SLIT2: variants seen among roughly 807,000 people sequenced by gnomAD.
SLIT2 encodes the protein slit homolog 2 protein.
In SLIT2, 41 loss-of-function variants were observed where a neutral mutation model predicts 185.7. The ratio of observed to expected loss-of-function variants is 0.22; its 90% CI spans 0.17 to 0.29. SLIT2 has a LOEUF of 0.29. Among genes scored for constraint, SLIT2 ranks in the 10% least tolerant of loss-of-function variants. The pLI, the probability that SLIT2 is intolerant of heterozygous loss-of-function variation, is 1.00. For missense variants in SLIT2, 1,571 were observed against 1,909.0 expected (o/e 0.82, Z 3.30); for synonymous variants, 693 against 680.2 (o/e 1.02, Z -0.29).
chr4:20,344,528 G>T (rs773011356), intron 4 of SLIT2, among the ~76,000 whole-genome samples: 1 of 152,272 alleles, frequency 6.6e-6, no homozygotes, highest in South Asian at 2.1e-4. Context: ...TTAAATGAAA[G>T]GAATAGCCAT....
intron 4 of SLIT2, among the ~76,000 whole-genome samples, chr4:20,405,785 T>C (rs1726729146): frequency 6.6e-6 from 1 of 152,012 alleles, no homozygotes; most frequent in Admixed American, 6.6e-5. Flanking sequence ...AGGAATGTGG[T>C]ATTTTTAAAT....
At chr4:20,517,345 A>G (rs1029195224) in intron 11 of SLIT2, among the ~76,000 whole-genome samples, 2 of 152,148 alleles carry the variant, frequency 1.3e-5, no homozygotes, top group African/African-American at 2.4e-5. Context: ...TAAGTGCACA[A>G]TCTCTATTGT....
At chr4:20,408,352 C>T (rs1726936260) in intron 4 of SLIT2, among the ~76,000 whole-genome samples, 1 of 152,114 alleles carries the variant, frequency 6.6e-6, no homozygotes, top group South Asian at 2.1e-4. Flanking sequence ...CCCCTAAGCC[C>T]TTGCCAAACC....
At chr4:20,355,653 C>T (rs1039879524) in intron 4 of SLIT2, among the ~76,000 whole-genome samples, 3 of 152,122 alleles carry the variant, frequency 2.0e-5, no homozygotes, top group Non-Finnish European at 4.4e-5. Flanking sequence ...AAACTATAGC[C>T]TACTGTCAAC....
At chr4:20,535,483 T>C (rs1465169369) in intron 18 of SLIT2, among the ~76,000 whole-genome samples, 1 of 152,054 alleles carries the variant, frequency 6.6e-6, no homozygotes, top group Non-Finnish European at 1.5e-5. Flanking sequence ...AACCTTCTCC[T>C]GGCAGGGAAG....
chr4:20,431,809 T>C (rs1729003143), intron 4 of SLIT2, among the ~76,000 whole-genome samples: 1 of 152,120 alleles, frequency 6.6e-6, no homozygotes, highest in Non-Finnish European at 1.5e-5. Context: ...AAAATGTCCC[T>C]GATAAAAGGA....
chr4:20,350,289 C>CT (rs545057446), intron 4 of SLIT2, among the ~76,000 whole-genome samples: 129 of 142,356 alleles, frequency 9.1e-4, no homozygotes, highest in Middle Eastern at 3.7e-3. Flanking sequence ...TTTCTCCTTG[C>CT]TTTTTTTTTT....
In SLIT2 at chr4:20,500,575, A is replaced by G. The variant is rs192971553; in HGVS notation, c.914+8676A>G. 3.9e-5 allele frequency among the ~76,000 whole-genome samples: 6 copies of G among 152,322 alleles called. No individual in the cohort carries two copies. The East Asian group carries it at 1.2e-3, about 29-fold the overall frequency. On this transcript the variant is annotated intron_variant, in intron 9 of 36. Transcript: ENST00000504154. The stretch of plus-strand genomic sequence containing the variant: ...TATAGATGACATAGTACTCTTAAAA[A>G]GTGTCTTGTATCATACATAATAAAA...
intron 4 of SLIT2, among the ~76,000 whole-genome samples, chr4:20,332,034 A>T (rs1308881525): frequency 6.6e-6 from 1 of 152,140 alleles, no homozygotes; most frequent in Non-Finnish European, 1.5e-5. Context: ...GTTAATGATC[A>T]TTTGGGTTGT....
At chr4:20,356,791 C>A (rs2109280319) in intron 4 of SLIT2, among the ~76,000 whole-genome samples, 1 of 152,194 alleles carries the variant, frequency 6.6e-6, no homozygotes. Flanking sequence ...GGAAACGCTC[C>A]TTCTTCAGTG....
chr4:20,264,604 A>G (rs1267118121), intron 3 of SLIT2, among the ~76,000 whole-genome samples: 2 of 151,912 alleles, frequency 1.3e-5, no homozygotes, highest in African/African-American at 4.8e-5. Context: ...GCAGATAATA[A>G]TTCAAAACAA....
intron 4 of SLIT2, among the ~76,000 whole-genome samples, chr4:20,288,418 A>G (rs929646524): frequency 6.6e-5 from 10 of 152,246 alleles, no homozygotes; most frequent in Admixed American, 3.3e-4. Context: ...TATTAGAAAC[A>G]CTGACACATT....
intron 4 of SLIT2, among the ~76,000 whole-genome samples, chr4:20,359,142 T>C (rs756042876): frequency 1.7e-4 from 26 of 152,102 alleles, no homozygotes; most frequent in Non-Finnish European, 3.5e-4. Flanking sequence ...GTCTTTATAG[T>C]CCACTATGGC....
At chr4:20,471,008 G>A (rs1714942185) in intron 5 of SLIT2, among the ~76,000 whole-genome samples, 1 of 152,058 alleles carries the variant, frequency 6.6e-6, no homozygotes, top group African/African-American at 2.4e-5. Context: ...GAAGAAAAGG[G>A]GCTTCAGAAA....
At chr4:20,479,315 A>G (rs1350217352) in intron 5 of SLIT2, among the ~76,000 whole-genome samples, 1 of 152,182 alleles carries the variant, frequency 6.6e-6, no homozygotes, top group African/African-American at 2.4e-5. Context: ...TTGCACCTTT[A>G]TTCAGTAGTC....
At chr4:20,594,250 C>A (rs948744910) in intron 30 of SLIT2, among the ~76,000 whole-genome samples, 6 of 147,846 alleles carry the variant, frequency 4.1e-5, no homozygotes, top group African/African-American at 1.5e-4. Context: ...TATACATATA[C>A]ATATACATAC....
intron 4 of SLIT2, among the ~76,000 whole-genome samples, chr4:20,334,470 A>G (rs541468743): frequency 1.1e-3 from 173 of 152,312 alleles, no homozygotes; most frequent in African/African-American, 3.8e-3. Context: ...AAAGTATAAT[A>G]TAAAACTAAT....
At chr4:20,335,262 G>A (rs1720397576) in intron 4 of SLIT2, among the ~76,000 whole-genome samples, 1 of 152,094 alleles carries the variant, frequency 6.6e-6, no homozygotes, top group African/African-American at 2.4e-5. Context: ...ACAAATCAGG[G>A]CACAGAATGG....
Position 20,254,896 on chromosome 4 carries a change from C to A in SLIT2, c.179+902C>A. On this transcript the variant is annotated intron_variant, in intron 1 of 36. Transcript: ENST00000504154. This position sits in a 1 kb window ranked among gnomAD's most constrained non-coding sequence, Gnocchi z 5.1. The stretch of plus-strand genomic sequence containing the variant: ...CTTCCCCTCTTCGCGCTCCGTTGCT[C>A]GCAGACGTCCCCGCCTCCCTGTCTT... 2.2e-6 allele frequency: 1 copy of A among 456,094 alleles called. No homozygotes were observed. The allele number at this position is 456,094 out of a possible 1,614,324, so 28.3% of individuals were successfully genotyped here. A position where few individuals can be genotyped will look rare whatever the true frequency, so the allele number is the denominator to read the frequency against.
Sources: allele counts gnomAD v4.1 joint callset (sites outside exome capture counted in the v4.1 genomes callset), GRCh38; gene constraint gnomAD v4.1.1; non-coding constraint Gnocchi (gnomAD v3.1); transcripts MANE v1.5; gene names NCBI Gene and HGNC (gene_info 2026-07-23, HGNC 2026-07-21).